MAGI1: variants seen among roughly 807,000 people sequenced by gnomAD.
MAGI1 encodes the protein membrane associated guanylate kinase, WW and PDZ domain containing 1.
In MAGI1, 58 loss-of-function variants were observed where a neutral mutation model predicts 139.9. That is an observed-to-expected ratio of 0.41 (90% CI 0.34 to 0.52). The LOEUF is 0.52. MAGI1 is among the 20% of genes least tolerant of loss of function. The pLI, the probability that MAGI1 is intolerant of heterozygous loss-of-function variation, is 0.12. For missense variants in MAGI1, 1,874 were observed against 1,901.6 expected (o/e 0.99, Z 0.27); for synonymous variants, 812 against 737.9 (o/e 1.10, Z -1.63).
rs557013028 is a variant in MAGI1, at chr3:65,903,700, A to G, written c.313+134296T>C. Among the ~76,000 whole-genome samples, 4 of 152,250 alleles carry G rather than the reference A, an allele frequency of 2.6e-5. No homozygotes were observed. In the East Asian group the frequency reaches 7.7e-4, roughly 29 times the overall value. On this transcript the variant is annotated intron_variant, in intron 1 of 22. Transcript: ENST00000402939. Reference sequence around the variant, plus strand: ...CCTAAGTGCTTATTTCGATTTGCCTAAAATCAGGCACAGAAAATAATTCTA... The same window carrying G: ...CCTAAGTGCTTATTTCGATTTGCCTGAAATCAGGCACAGAAAATAATTCTA...
At chr3:65,538,025 C>A (rs2079039165) in intron 2 of MAGI1, among the ~76,000 whole-genome samples, 1 of 152,128 alleles carries the variant, frequency 6.6e-6, no homozygotes, top group Non-Finnish European at 1.5e-5. Flanking sequence ...ATCCCAGCTA[C>A]TTTGAAGGCT....
chr3:65,580,782 G>T (rs970006334), intron 2 of MAGI1, among the ~76,000 whole-genome samples: 4 of 152,026 alleles, frequency 2.6e-5, no homozygotes, highest in African/African-American at 9.7e-5. Flanking sequence ...AGATTTTTTT[G>T]TCAGTTGTTT....
chr3:65,871,204 T>G (rs1575784226), intron 1 of MAGI1, among the ~76,000 whole-genome samples: 1 of 152,072 alleles, frequency 6.6e-6, no homozygotes, highest in East Asian at 1.9e-4. Context: ...CCCAAAGTGC[T>G]GGGATTACAG....
intron 1 of MAGI1, among the ~76,000 whole-genome samples, chr3:65,805,775 AT>A (rs1390176969): frequency 1.3e-5 from 2 of 152,208 alleles, no homozygotes; most frequent in Non-Finnish European, 2.9e-5. Flanking sequence ...GAACAAGATC[AT>A]GTCCTTTGGA....
chr3:65,872,087 A>G (rs984985269), intron 1 of MAGI1, among the ~76,000 whole-genome samples: 3 of 152,336 alleles, frequency 2.0e-5, no homozygotes, highest in African/African-American at 7.2e-5. Context: ...AACTGGGAAA[A>G]CTGGGAAAAT....
chr3:65,360,206 G>T, intron 22 of MAGI1: 4 of 985,270 alleles, frequency 4.1e-6, no homozygotes, highest in Non-Finnish European at 4.8e-6. Flanking sequence ...TGTGCAGAAT[G>T]ACTTTCAGAA....
chr3:65,389,835 G>A (rs1464688193), intron 14 of MAGI1, among the ~76,000 whole-genome samples: 1 of 152,216 alleles, frequency 6.6e-6, no homozygotes, highest in Non-Finnish European at 1.5e-5. Flanking sequence ...TTAATTCCAT[G>A]CATTGTGGTA....
chr3:65,987,355 A>ATTTGGTTGGTATATATATTTGATT (rs2065933754), intron 1 of MAGI1, among the ~76,000 whole-genome samples: 2 of 152,278 alleles, frequency 1.3e-5, no homozygotes, highest in South Asian at 4.1e-4. Context: ...CCGACCCCTC[A>ATTTGGTTGGTATATATATTTGATT]GGGTTGGTAT....
chr3:65,478,782 T>C lies in MAGI1; in HGVS notation c.567A>G (p.Thr189=). ...TGACTGGCTGGCTAGGAGGCTTGGG[T>C]GTCCCATAATAGTTTCCTAGGTGAT... ...VGTYEGNYYG[T]PKPPSQPVSG... The change falls in exon 4 of 23, where the codon ACA becomes ACG. Residue 189 remains threonine (T), a synonymous_variant. Coordinates refer to ENST00000402939, the MANE Select transcript of MAGI1 (RefSeq NM_001033057.2). The C allele has an allele frequency of 6.2e-7, 1 of 1,613,660 alleles. No individual in the cohort carries two copies. The highest frequency in any genetic ancestry group is 8.5e-7 in the Non-Finnish European group (1 of 1,179,666).
In MAGI1 at chr3:65,426,893, A is replaced by C. The variant is rs538076110; in HGVS notation, c.2167+2627T>G. ...TTTAAATTACTCATGTTCTGAAATA[A>C]ACCATGTAGATGTTGATGAATATGG... On this transcript the variant is annotated intron_variant, in intron 12 of 22. Transcript: ENST00000402939. Among the ~76,000 whole-genome samples, 22 of 152,354 alleles carry C rather than the reference A, an allele frequency of 1.4e-4. No individual in the cohort carries two copies. In the South Asian group the frequency reaches 4.3e-3, roughly 30 times the overall value.
chr3:65,395,791 T>A (rs1944347963), intron 13 of MAGI1, among the ~76,000 whole-genome samples: 1 of 151,830 alleles, frequency 6.6e-6, no homozygotes, highest in South Asian at 2.1e-4. Flanking sequence ...TGGGTTTCAT[T>A]CTTAGTTTCA....
chr3:65,491,308 G>T (rs867613048), intron 3 of MAGI1, among the ~76,000 whole-genome samples: 3 of 152,070 alleles, frequency 2.0e-5, no homozygotes, highest in Non-Finnish European at 2.9e-5. Context: ...GATAATAGCC[G>T]CCTCTGTTGC....
chr3:65,381,673 C>CA lies in MAGI1; in HGVS notation c.2701+203dup, dbSNP rs769010427. 3.3e-5 allele frequency among the ~76,000 whole-genome samples: 5 copies of CA among 152,262 alleles called. No individual in the cohort carries two copies. In the East Asian group the frequency reaches 9.7e-4, roughly 29 times the overall value. On this transcript the variant is annotated intron_variant, in intron 16 of 22. Coordinates refer to ENST00000402939, the MANE Select transcript of MAGI1 (RefSeq NM_001033057.2). ...TTCCTCTGGAAGCCTTTGTTGAACA[C>CA]ATGCAAACGGCACATTAAAGTACTT...
At chr3:65,980,595 T>G in intron 1 of MAGI1, among the ~76,000 whole-genome samples, 1 of 145,724 alleles carries the variant, frequency 6.9e-6, no homozygotes, top group African/African-American at 2.5e-5. Flanking sequence ...GATAGAGAAG[T>G]CATTGTGACT....
At chr3:65,666,924 T>C (rs1316846096) in intron 1 of MAGI1, among the ~76,000 whole-genome samples, 1 of 152,148 alleles carries the variant, frequency 6.6e-6, no homozygotes, top group African/African-American at 2.4e-5. Context: ...TTCAATACCC[T>C]TTCCTCCATG....
At position 65,857,856 on chromosome 3, in the gene MAGI1, G is replaced by A. The variant is rs567758304; in HGVS notation, c.313+180140C>T. ...AAAACATCCCTTAGACATTTAAAAA[G>A]AGGTAGGAAGGCAAGAAGGGGGGGA... On this transcript the variant is annotated intron_variant, in intron 1 of 22. Coordinates refer to ENST00000402939, the MANE Select transcript of MAGI1 (RefSeq NM_001033057.2). Among the ~76,000 whole-genome samples, 656 of 152,224 alleles carry A rather than the reference G, an allele frequency of 4.3e-3. 2 individuals carry two copies. Among genetic ancestry groups the A allele is most frequent in the Middle Eastern group, 0.017 (5 of 294 alleles).
At chr3:65,680,803 A>ATG (rs2087544055) in intron 1 of MAGI1, among the ~76,000 whole-genome samples, 1 of 101,006 alleles carries the variant, frequency 9.9e-6, no homozygotes, top group Non-Finnish European at 2.0e-5. Context: ...GATATACTTT[A>ATG]ATAATTATTA....
intron 6 of MAGI1, among the ~76,000 whole-genome samples, chr3:65,450,055 A>G (rs529241051): frequency 6.6e-6 from 1 of 152,338 alleles, no homozygotes; most frequent in Non-Finnish European, 1.5e-5. Context: ...ATATAAGAGT[A>G]TAGTGAAATG....
intron 1 of MAGI1, among the ~76,000 whole-genome samples, chr3:65,729,762 G>A (rs75596244): frequency 6.6e-6 from 1 of 152,292 alleles, no homozygotes; most frequent in African/African-American, 2.4e-5. Context: ...TCTCCCAAGA[G>A]AATCTCTGAA....
Sources: gnomAD v4.1 joint callset for allele counts (sites outside exome capture counted in the v4.1 genomes callset) on GRCh38, gnomAD v4.1.1 for gene constraint, MANE v1.5 for transcripts, NCBI Gene and HGNC (gene_info 2026-07-23, HGNC 2026-07-21) for gene names.